The following ZHX2 variants were observed in gnomAD, a reference collection of about 807,000 sequenced individuals.
ZHX2 encodes zinc fingers and homeoboxes protein 2.
Under a neutral mutation model 21.9 loss-of-function variants are expected in ZHX2, and 6 were observed. That is an observed-to-expected ratio of 0.27 (90% confidence interval 0.15 to 0.54). The LOEUF is 0.54. Among genes scored for constraint, ZHX2 ranks in the 20% least tolerant of loss-of-function variants. ZHX2 has a pLI of 0.95. For synonymous variants in ZHX2, 434 were observed against 437.1 expected, an observed-to-expected ratio of 0.99 and a Z score of 0.09; for missense variants, 908 against 1,090.7, an observed-to-expected ratio of 0.83 and a Z score of 2.36.
Position 122,951,377 on chromosome 8 carries a change from TCAG to T in ZHX2, c.-131_-129del. ...ATTCTGAAAACTCAAACAGTAGACT[TCAG>T]CACACAAGGAAAGCCAAAGCCATTT... On this transcript the variant is annotated 5_prime_UTR_variant, in exon 3 of 4. Transcript: ENST00000314393. 1 of 763,678 alleles carries T rather than the reference TCAG, an allele frequency of 1.3e-6. No homozygotes were observed. 47.3% of individuals were successfully genotyped at this position (763,678 alleles called of 1,614,324 possible). A position where few individuals can be genotyped will look rare whatever the true frequency, so the allele number is the denominator to read the frequency against.
chr8:122,908,649 T>C (rs1563777119), intron 2 of ZHX2, among the ~76,000 whole-genome samples: 2 of 150,478 alleles, frequency 1.3e-5, no homozygotes, highest in South Asian at 2.1e-4. Flanking sequence ...GACCTGAAAC[T>C]GTAACAAATA....
At chr8:122,833,638 T>C (rs1399479660) in intron 1 of ZHX2, among the ~76,000 whole-genome samples, 2 of 150,650 alleles carry the variant, frequency 1.3e-5, no homozygotes, top group Non-Finnish European at 3.0e-5. Flanking sequence ...ATGTGGAGAG[T>C]AGTGTGGCGT....
At chr8:122,874,368 T>C (rs1042804370) in intron 2 of ZHX2, among the ~76,000 whole-genome samples, 1 of 152,210 alleles carries the variant, frequency 6.6e-6, no homozygotes, top group Non-Finnish European at 1.5e-5. Context: ...GCACCCAGAC[T>C]GGAGTGCCAA....
chr8:122,954,192 A>G (rs902016265), intron 3 of ZHX2, among the ~76,000 whole-genome samples, 164 bp downstream of exon 3: 2 of 152,252 alleles, frequency 1.3e-5, no homozygotes, highest in Non-Finnish European at 2.9e-5. Flanking sequence ...CACATACAAT[A>G]TGATGTTTTG....
chr8:122,895,760 C>G (rs541729215), intron 2 of ZHX2, among the ~76,000 whole-genome samples: 2 of 150,740 alleles, frequency 1.3e-5, no homozygotes, highest in Admixed American at 1.3e-4. Flanking sequence ...AAAAAAAAAG[C>G]TCTCGCCAAG....
intron 2 of ZHX2, among the ~76,000 whole-genome samples, chr8:122,878,982 C>A (rs1017823312): frequency 6.6e-6 from 1 of 152,076 alleles, no homozygotes; most frequent in African/African-American, 2.4e-5. Flanking sequence ...CTAATAGAAC[C>A]CATCATTAGA....
chr8:122,834,659 T>C (rs867367280), intron 1 of ZHX2, among the ~76,000 whole-genome samples: 2 of 152,244 alleles, frequency 1.3e-5, no homozygotes, highest in South Asian at 4.1e-4. Context: ...ATCAAGCTTC[T>C]GAAGCTTGTG....
intron 1 of ZHX2, chr8:122,815,583 G>A (rs191803778): frequency 3.1e-4 from 50 of 159,962 alleles, no homozygotes; most frequent in African/African-American, 1.2e-3. Context: ...TCCTGGTGAA[G>A]ATGCTGTGAA....
intron 2 of ZHX2, among the ~76,000 whole-genome samples, chr8:122,896,463 A>G (rs1586369018): frequency 6.6e-6 from 1 of 152,352 alleles, no homozygotes; most frequent in South Asian, 2.1e-4. Context: ...CATTGTGTAT[A>G]CCATATCTTA....
intron 1 of ZHX2, among the ~76,000 whole-genome samples, chr8:122,798,737 T>A (rs758034423): frequency 6.6e-6 from 1 of 151,314 alleles, no homozygotes; most frequent in Non-Finnish European, 1.5e-5. Flanking sequence ...GAGTGGAGGT[T>A]GCAGTGAGCT....
intron 2 of ZHX2, among the ~76,000 whole-genome samples, chr8:122,889,447 A>G (rs1273873647): frequency 3.9e-5 from 6 of 152,028 alleles, no homozygotes; most frequent in Non-Finnish European, 5.9e-5. Flanking sequence ...ATTTCTCATT[A>G]TGGTTTCGAT....
chr8:122,866,123 G>A (rs1253217731), intron 2 of ZHX2, among the ~76,000 whole-genome samples: 1 of 152,164 alleles, frequency 6.6e-6, no homozygotes, highest in Admixed American at 6.5e-5. Context: ...AAGTAGTCGT[G>A]AAGACTGAGA....
chr8:122,852,551 G>A (rs1232400837), intron 1 of ZHX2, among the ~76,000 whole-genome samples: 2 of 151,972 alleles, frequency 1.3e-5, no homozygotes, highest in East Asian at 3.9e-4. Flanking sequence ...CTTTCCTGGG[G>A]ACAGTTCCTA....
At chr8:122,816,058 C>T (rs372524222) in intron 1 of ZHX2, among the ~76,000 whole-genome samples, 1 of 133,252 alleles carries the variant, frequency 7.5e-6, no homozygotes, top group African/African-American at 2.9e-5. Flanking sequence ...CCAGCCTGGG[C>T]GACAGAGCAA....
chr8:122,864,448 G>A (rs1819238006), intron 2 of ZHX2, among the ~76,000 whole-genome samples: 1 of 152,044 alleles, frequency 6.6e-6, no homozygotes, highest in African/African-American at 2.4e-5. Context: ...AACACCTGCT[G>A]TATGTGGTCC....
At chr8:122,943,177 G>T (rs1240656423) in intron 2 of ZHX2, among the ~76,000 whole-genome samples, 1 of 152,108 alleles carries the variant, frequency 6.6e-6, no homozygotes, top group East Asian at 1.9e-4. Flanking sequence ...CAGGAGAATC[G>T]TTTGAGCCCG....
intron 3 of ZHX2, among the ~76,000 whole-genome samples, chr8:122,967,595 T>G (rs922962105): frequency 1.3e-5 from 2 of 152,210 alleles, no homozygotes; most frequent in African/African-American, 4.8e-5. Flanking sequence ...GTTGTAGTTT[T>G]GTTTAGTGCA....
chr8:122,790,861 G>A (rs1021482593), intron 1 of ZHX2, among the ~76,000 whole-genome samples: 59 of 152,186 alleles, frequency 3.9e-4, no homozygotes, highest in African/African-American at 1.4e-3. Flanking sequence ...TCCCATCTCA[G>A]CCTCACAAAG....
At position 122,952,771 on chromosome 8, in the gene ZHX2, C is replaced by T. The variant is rs1372975686; in HGVS notation, c.1261C>T (p.Pro421Ser). The T allele has an allele frequency of 6.2e-7, 1 of 1,614,122 alleles. No homozygotes were observed. The highest frequency in any genetic ancestry group is 8.5e-7 in the Non-Finnish European group (1 of 1,180,032). The change falls in exon 3 of 4, where the codon CCA becomes TCA. Residue 421 changes from proline (P) to serine (S), a missense_variant. Coordinates refer to ENST00000314393, the MANE Select transcript of ZHX2 (RefSeq NM_014943.5). This position sits in a 1 kb window ranked among gnomAD's most constrained non-coding sequence, Gnocchi z 6.9. ...TPQAAPEPKRPHIAQVPEPPP... is the reference protein window; with the variant it reads ...TPQAAPEPKRSHIAQVPEPPP... Reference sequence around the variant, plus strand: ...CCAAGCTGCCCCCGAACCCAAGCGTCCACACATCGCTCAGGTGCCAGAGCC... The same window carrying T: ...CCAAGCTGCCCCCGAACCCAAGCGTTCACACATCGCTCAGGTGCCAGAGCC...
Sources: gnomAD v4.1 joint callset for allele counts (sites outside exome capture counted in the v4.1 genomes callset) on GRCh38, gnomAD v4.1.1 for gene constraint, Gnocchi (gnomAD v3.1) non-coding constraint, MANE v1.5 for transcripts, NCBI Gene and HGNC (gene_info 2026-07-23, HGNC 2026-07-21) for gene names.